The following TGFB3 variants were observed in gnomAD, a reference collection of about 807,000 sequenced individuals.
The protein encoded by TGFB3 is transforming growth factor beta-3 proprotein.
Under a neutral mutation model 40.1 loss-of-function variants are expected in TGFB3, and 5 were observed. That is an observed-to-expected ratio of 0.12 (90% confidence interval 0.07 to 0.26). The LOEUF (loss-of-function observed/expected upper bound fraction) is 0.26, where lower values mean the gene tolerates loss of function less well. Ranked by LOEUF, TGFB3 falls within the 10% of genes least tolerant of loss-of-function variation. The pLI, the probability that TGFB3 is intolerant of heterozygous loss-of-function variation, is 1.00. For missense variants in TGFB3, 373 were observed against 530.1 expected (o/e 0.70, Z 2.91); for synonymous variants, 184 against 205.6 (o/e 0.89, Z 0.90).
At chr14:75,975,242 C>T (rs1448398455) in intron 1 of TGFB3, among the ~76,000 whole-genome samples, 1 of 145,314 alleles carries the variant, frequency 6.9e-6, no homozygotes, top group East Asian at 2.0e-4. Context: ...GTGGTGGGCA[C>T]CTGTAACCCC....
chr14:75,972,046 C>T (rs1037291455), intron 1 of TGFB3, among the ~76,000 whole-genome samples: 7 of 152,346 alleles, frequency 4.6e-5, no homozygotes, highest in Admixed American at 4.6e-4. Flanking sequence ...TGAGAAAATA[C>T]TGATTCTAGA....
intron 4 of TGFB3, 70 bp from the exon 5 acceptor site, chr14:75,963,557 A>C: frequency 1.3e-6 from 2 of 1,587,842 alleles, no homozygotes; most frequent in Non-Finnish European, 1.7e-6. Context: ...TGCCTCCTCC[A>C]CACGCCCCAT....
intron 3 of TGFB3, among the ~76,000 whole-genome samples, chr14:75,966,976 C>G (rs2035228453): frequency 6.6e-6 from 1 of 152,238 alleles, no homozygotes; most frequent in African/African-American, 2.4e-5. Flanking sequence ...TCAGGGTCAG[C>G]CTCTCGATGA....
Position 75,960,970 on chromosome 14 carries a change from A to G in TGFB3, c.1033T>C (p.Ser345Pro). Residue 345 changes from serine to proline, a missense_variant, in exon 6 of 7, where the codon TCA (serine) becomes CCA (proline). Physicochemically the swap from Ser to Pro is moderately conservative, Grantham distance 74 (BLOSUM62 -1). Transcript: ENST00000238682. ...CTGCGGAGGTATGGGCAAGGGCCTG[A>G]GCAGAAGTTGGCATAGTAGCCCTTA... is the stretch of plus-strand genomic sequence containing the variant. The part of the protein sequence containing the change: ...EPKGYYANFC[S>P]GPCPYLRSAD... 1.2e-6 allele frequency: 2 copies of G among 1,614,230 alleles called. No individual in the cohort carries two copies. Among genetic ancestry groups the G allele is most frequent in the Non-Finnish European group, 1.7e-6 (2 of 1,180,046 alleles).
intron 6 of TGFB3, chr14:75,960,315 C>T (rs1048451715): frequency 6.4e-6 from 1 of 155,878 alleles, no homozygotes; most frequent in Non-Finnish European, 1.4e-5. Flanking sequence ...GAAATGTTCT[C>T]ACAAAACATT....
In TGFB3 at chr14:75,980,688, AC is replaced by A; in HGVS notation, c.205del (p.Val69SerfsTer42). On this transcript the variant is annotated frameshift_variant, in exon 1 of 7. Coordinates refer to ENST00000238682, the MANE Select transcript of TGFB3 (RefSeq NM_003239.5). LOFTEE classifies it high-confidence loss of function. The surrounding 1 kb of genome is among the most constrained non-coding windows in gnomAD (Gnocchi z 4.3). The part of the protein sequence containing the change: ...PTVMTHVPYQ[V>X]LALYNSTREL... ...CCGGGTGCTGTTGTAAAGGGCCAGG[AC>A]CTGATAGGGGACGTGGGTCATCACC... 1.2e-6 allele frequency: 2 copies of A among 1,614,220 alleles called. No individual in the cohort carries two copies. The highest frequency in any genetic ancestry group is 1.7e-6 in the Non-Finnish European group (2 of 1,180,034).
intron 1 of TGFB3, among the ~76,000 whole-genome samples, chr14:75,977,525 G>A (rs1487163188): frequency 6.6e-6 from 1 of 152,162 alleles, no homozygotes; most frequent in Non-Finnish European, 1.5e-5. Flanking sequence ...TTACAGCTGG[G>A]GAAACTGAGG....
intron 1 of TGFB3, among the ~76,000 whole-genome samples, chr14:75,974,165 A>T (rs2035325776): frequency 2.0e-5 from 3 of 151,942 alleles, no homozygotes; most frequent in Non-Finnish European, 4.4e-5. Flanking sequence ...GAGATGGAAA[A>T]TGGCACTTGC....
intron 3 of TGFB3, 195 bp from the exon 4 acceptor site, chr14:75,965,890 CAGGTATTCCTGTTGTATTATGAATCACCA>C: frequency 1.6e-6 from 1 of 610,492 alleles, no homozygotes; most frequent in Non-Finnish European, 2.9e-6. Context: ...TGCCACATTC[CAGGTATTCCTGTTGTATTATGAATCACCA>C]AATGGGGGCA....
chr14:75,982,388 C>A (rs2035446988), upstream of TGFB3, among the ~76,000 whole-genome samples: 1 of 152,162 alleles, frequency 6.6e-6, no homozygotes, highest in Non-Finnish European at 1.5e-5. The surrounding 1 kb of genome is among the most constrained non-coding windows in gnomAD (Gnocchi z 4.0). Flanking sequence ...CAACCCGGGG[C>A]AGGGTCCGCA....
At chr14:75,961,395 ATGT>A (rs1203271344) in intron 5 of TGFB3, among the ~76,000 whole-genome samples, 1 of 152,210 alleles carries the variant, frequency 6.6e-6, no homozygotes, top group African/African-American at 2.4e-5. Context: ...CAAGCACTGA[ATGT>A]TATTAGCCAA....
intron 1 of TGFB3, among the ~76,000 whole-genome samples, chr14:75,974,334 G>A (rs2140248180): frequency 6.6e-6 from 1 of 152,082 alleles, no homozygotes; most frequent in South Asian, 2.1e-4. Flanking sequence ...ATCCTGGGGA[G>A]AATTTTAAGG....
In TGFB3 at chr14:75,971,567, G is replaced by C. The variant is rs148029842; in HGVS notation, c.504C>G (p.Ile168Met). 41 of 1,614,156 alleles carry C rather than the reference G, an allele frequency of 2.5e-5. No individual in the cohort carries two copies. The highest frequency in any genetic ancestry group is 3.4e-5 in the Non-Finnish European group (40 of 1,180,008). Residue 168 changes from isoleucine (I) to methionine (M), a missense_variant, in exon 2 of 7, where the codon ATC (isoleucine) becomes ATG (methionine). Coordinates refer to ENST00000238682, the MANE Select transcript of TGFB3 (RefSeq NM_003239.5). The surrounding 1 kb of genome is among the most constrained non-coding windows in gnomAD (Gnocchi z 4.5). ...AGAGAGGAGTTACCTGGAAGAGCTC[G>C]ATCCTCTGCTCATTCCGCTTAGAGC... The part of the protein sequence containing the change: ...NPSSKRNEQR[I>M]ELFQILRPDE...
At chr14:75,977,393 A>G (rs1318765175) in intron 1 of TGFB3, among the ~76,000 whole-genome samples, 6 of 152,312 alleles carry the variant, frequency 3.9e-5, no homozygotes, top group African/African-American at 1.2e-4. Context: ...AAAATCCTGG[A>G]GAATTAGAAA....
chr14:75,961,125 A>G lies in TGFB3; in HGVS notation c.927-49T>C, dbSNP rs1279805084. ...AAATCAACTTAAAACCACCAATAAAAGAAACTTCATGAATGCTCTCATATT... is the reference window on the plus strand; with the variant it reads ...AAATCAACTTAAAACCACCAATAAAGGAAACTTCATGAATGCTCTCATATT... On this transcript the variant is annotated intron_variant, in intron 5 of 6. Coordinates refer to ENST00000238682, the MANE Select transcript of TGFB3 (RefSeq NM_003239.5). 6 of 1,607,410 alleles carry G rather than the reference A, an allele frequency of 3.7e-6. No homozygotes were observed. In the South Asian group the frequency reaches 6.6e-5, roughly 18 times the overall value.
intron 1 of TGFB3, among the ~76,000 whole-genome samples, chr14:75,977,783 T>C (rs1477709176): frequency 6.6e-6 from 1 of 151,988 alleles, no homozygotes; most frequent in Non-Finnish European, 1.5e-5. Flanking sequence ...ATGATTCATT[T>C]ATGTTATAAA....
In TGFB3 at chr14:75,980,604, T is replaced by A. The variant is rs888198562; in HGVS notation, c.290A>T (p.Glu97Val). 6.2e-7 allele frequency: 1 copy of A among 1,614,214 alleles called. No individual in the cohort carries two copies. Reference sequence around the variant, plus strand: ...GATTTCTTTGGCATAGTATTCCGACTCGGTGTTTTCCTGGGTGCAGCCTTC... The same window carrying A: ...GATTTCTTTGGCATAGTATTCCGACACGGTGTTTTCCTGGGTGCAGCCTTC... Reference protein sequence around the residue: ...REEGCTQENTESEYYAKEIHK... With the variant: ...REEGCTQENTVSEYYAKEIHK... The change falls in exon 1 of 7, where the codon GAG (glutamate) becomes GTG (valine). Residue 97 changes from glutamate to valine, a missense_variant. Physicochemically the swap from Glu to Val is moderately radical, Grantham distance 121 (BLOSUM62 -2). Coordinates refer to ENST00000238682, the MANE Select transcript of TGFB3 (RefSeq NM_003239.5). The surrounding 1 kb of genome is among the most constrained non-coding windows in gnomAD (Gnocchi z 4.3).
intron 1 of TGFB3, among the ~76,000 whole-genome samples, chr14:75,973,698 G>A (rs1181716382): frequency 6.6e-6 from 1 of 152,220 alleles, no homozygotes; most frequent in Non-Finnish European, 1.5e-5. Flanking sequence ...AGTGAGCCAG[G>A]ATTGTGCCAC....
rs1364232141 is a variant in TGFB3, at chr14:75,980,898, G to A, written c.-5C>T. Reference sequence around the variant, plus strand: ...CCTTTGCAAGTGCATCTTCATGTGTGAGCTGGGAAGAGAGGCCAGGGGGAC... The same window carrying A: ...CCTTTGCAAGTGCATCTTCATGTGTAAGCTGGGAAGAGAGGCCAGGGGGAC... On this transcript the variant is annotated 5_prime_UTR_variant, in exon 1 of 7. Transcript: ENST00000238682. The surrounding 1 kb of genome is among the most constrained non-coding windows in gnomAD (Gnocchi z 4.3). The A allele has an allele frequency of 6.2e-7, 1 of 1,613,406 alleles. No individual in the cohort carries two copies. The highest frequency in any genetic ancestry group is 1.3e-5 in the African/African-American group (1 of 74,910).
Sources: allele counts gnomAD v4.1 joint callset (sites outside exome capture counted in the v4.1 genomes callset), GRCh38; gene constraint gnomAD v4.1.1; non-coding constraint Gnocchi (gnomAD v3.1); transcripts MANE v1.5; gene names NCBI Gene and HGNC (gene_info 2026-07-23, HGNC 2026-07-21).